NSD1: variants seen among roughly 807,000 people sequenced by gnomAD.
NSD1 encodes nuclear receptor binding SET domain protein 1, also known as histone-lysine N-methyltransferase, H3 lysine-36 specific.
NSD1 carries 26 observed loss-of-function variants against 242.7 expected under a neutral mutation model. The ratio of observed to expected loss-of-function variants is 0.11; its 90% CI spans 0.08 to 0.15. The LOEUF is 0.15. Among genes scored for constraint, NSD1 ranks in the 10% least tolerant of loss-of-function variants. The pLI is 1.00. For synonymous variants in NSD1, 1,106 were observed against 1,178.1 expected (o/e 0.94, Z 1.25); for missense variants, 2,495 against 3,272.8 (o/e 0.76, Z 5.80).
intron 8 of NSD1, among the ~76,000 whole-genome samples, chr5:177,241,325 C>T (rs942457786): frequency 2.5e-4 from 38 of 150,574 alleles, no homozygotes; most frequent in African/African-American, 8.1e-4. Context: ...GGTGAAACCC[C>T]GTCTCTACTA....
intron 2 of NSD1, among the ~76,000 whole-genome samples, chr5:177,176,241 A>G (rs1256307294): frequency 6.6e-6 from 1 of 151,086 alleles, no homozygotes; most frequent in Admixed American, 6.6e-5. Flanking sequence ...AAAATCTAAG[A>G]TCTAAATATT....
intron 8 of NSD1, among the ~76,000 whole-genome samples, chr5:177,243,935 C>T (rs976810775): frequency 6.6e-6 from 1 of 152,102 alleles, no homozygotes; most frequent in African/African-American, 2.4e-5. Flanking sequence ...TCAGGTGATC[C>T]ACCCGCCTCA....
intron 10 of NSD1, 90 bp downstream of exon 10, chr5:177,246,886 A>G (rs1766342638): frequency 1.1e-5 from 10 of 924,722 alleles, no homozygotes; most frequent in South Asian, 9.2e-5. Context: ...GAGTTTTCTT[A>G]AGAATACTAT....
At chr5:177,291,137 G>A (rs1423684464) in intron 21 of NSD1, among the ~76,000 whole-genome samples, 5 of 152,232 alleles carry the variant, frequency 3.3e-5, no homozygotes. Context: ...AACAAAGAGA[G>A]AACATCTGCT....
chr5:177,267,614 C>T lies in NSD1; in HGVS notation c.5199C>T (p.Cys1733=), dbSNP rs779563229. The T allele has an allele frequency of 3.1e-6, 5 of 1,614,038 alleles. No individual in the cohort carries two copies. Among genetic ancestry groups the T allele is most frequent in the East Asian group, 4.5e-5 (2 of 44,872 alleles). The change falls in exon 15 of 23, where the codon TGC becomes TGT. Residue 1733 remains cysteine, a synonymous_variant. Coordinates refer to ENST00000439151, the MANE Select transcript of NSD1 (RefSeq NM_022455.5). The part of the protein sequence containing the change: ...DSCPAAFHRE[C]LNIDIPEGNW... ...GCCCTGCTGCTTTTCATCGTGAATG[C>T]CTGAACATTGATATCCCTGAAGGAA... is the stretch of plus-strand genomic sequence containing the variant.
rs770237809 is a variant in NSD1 at position 177,298,963 on chromosome 5, C to T, written c.*3504C>T. ...TGTCCTAACCTCTCTCAGATCATGG[C>T]AGAGAAGGAGCTGCCTCCAGCCCCT... is the stretch of plus-strand genomic sequence containing the variant. On this transcript the variant is annotated 3_prime_UTR_variant, in exon 23 of 23. Coordinates refer to ENST00000439151, the MANE Select transcript of NSD1 (RefSeq NM_022455.5). 2.6e-5 allele frequency: 6 copies of T among 232,998 alleles called. No homozygotes were observed. The highest frequency in any genetic ancestry group is 5.1e-5 in the Non-Finnish European group (6 of 117,952). 14.4% of individuals were successfully genotyped at this position (232,998 alleles called of 1,614,324 possible).
At chr5:177,213,916 G>A (rs1763560773) in intron 5 of NSD1, among the ~76,000 whole-genome samples, 1 of 151,836 alleles carries the variant, frequency 6.6e-6, no homozygotes, top group African/African-American at 2.4e-5. Flanking sequence ...GTATGTATCA[G>A]TTCTTCTGTC....
chr5:177,281,012 C>T (rs1758830001), intron 18 of NSD1, among the ~76,000 whole-genome samples, 178 bp downstream of exon 18: 1 of 152,158 alleles, frequency 6.6e-6, no homozygotes, highest in Non-Finnish European at 1.5e-5. Flanking sequence ...TGGTTTTGAT[C>T]TCCCAAGTCC....
chr5:177,146,092 AG>A (rs1757218029), intron 2 of NSD1, among the ~76,000 whole-genome samples: 1 of 151,870 alleles, frequency 6.6e-6, no homozygotes. Context: ...AAAAAAAAAA[AG>A]AATACAGAGA....
rs201012228 is a variant in NSD1 at position 177,135,610 on chromosome 5, C to T, written c.507C>T (p.Asp169=). Reference sequence around the variant, plus strand: ...ATGCAGATGTAGATTCTGAAATGGACCCAGAACAGCCAGTCACAGAGGATG... The same window carrying T: ...ATGCAGATGTAGATTCTGAAATGGATCCAGAACAGCCAGTCACAGAGGATG... ...VDDADVDSEM[D]PEQPVTEDES... is the part of the protein sequence containing the mutation. The change falls in exon 2 of 23, where the codon GAC becomes GAT. Residue 169 remains aspartate, a synonymous_variant. Coordinates refer to ENST00000439151, the MANE Select transcript of NSD1 (RefSeq NM_022455.5). 6.2e-7 allele frequency: 1 copy of T among 1,614,162 alleles called. No homozygotes were observed. Among genetic ancestry groups the T allele is most frequent in the African/African-American group, 1.3e-5 (1 of 75,030 alleles).
chr5:177,174,580 C>A (rs370457123), intron 2 of NSD1, among the ~76,000 whole-genome samples: 1 of 151,020 alleles, frequency 6.6e-6, no homozygotes, highest in Non-Finnish European at 1.5e-5. Flanking sequence ...TTTTTTGACA[C>A]GGAGTCTTGC....
chr5:177,275,625 G>A (rs1758318220), intron 17 of NSD1, among the ~76,000 whole-genome samples: 1 of 151,534 alleles, frequency 6.6e-6, no homozygotes, highest in Non-Finnish European at 1.5e-5. Context: ...AGTAGAGATG[G>A]GGTTTCACCA....
chr5:177,261,236 A>ATTTTTTTT (rs10652091), intron 14 of NSD1, among the ~76,000 whole-genome samples: 9 of 74,750 alleles, frequency 1.2e-4, no homozygotes, highest in East Asian at 3.3e-4. Flanking sequence ...TGCCCCACTA[A>ATTTTTTTT]TTTTTTTTTT....
At chr5:177,225,968 G>T (rs1764598393) in intron 5 of NSD1, among the ~76,000 whole-genome samples, 2 of 152,116 alleles carry the variant, frequency 1.3e-5, no homozygotes, top group African/African-American at 4.8e-5. Flanking sequence ...TACGTTGTTT[G>T]TACCTTGATT....
intron 15 of NSD1, among the ~76,000 whole-genome samples, chr5:177,268,527 G>A (rs1252758308): frequency 6.6e-6 from 1 of 152,094 alleles, no homozygotes; most frequent in Non-Finnish European, 1.5e-5. Context: ...CACAAAGGAT[G>A]TAACATGCAT....
Position 177,135,913 on chromosome 5 carries a change from A to G in NSD1, c.810A>G (p.Gln270=), listed in dbSNP as rs759575971. 1.2e-6 allele frequency: 2 copies of G among 1,613,038 alleles called. No individual in the cohort carries two copies. The highest frequency in any genetic ancestry group is 8.5e-7 in the Non-Finnish European group (1 of 1,179,024). Residue 270 remains glutamine, a synonymous_variant, in exon 2 of 23, where the codon CAA becomes CAG. Coordinates refer to ENST00000439151, the MANE Select transcript of NSD1 (RefSeq NM_022455.5). ...LGDTNITIEE[Q]LNSINLSFQD... ...ACACAAACATTACAATAGAAGAGCA[A>G]TTAAACTCAATAAATTTATCTTTTC...
intron 17 of NSD1, among the ~76,000 whole-genome samples, chr5:177,279,233 G>A (rs1758640975): frequency 6.6e-6 from 1 of 152,176 alleles, no homozygotes; most frequent in Non-Finnish European, 1.5e-5. Context: ...TATAATCCCA[G>A]CACTTTCAGA....
intron 2 of NSD1, among the ~76,000 whole-genome samples, chr5:177,188,144 T>C (rs1446645603): frequency 6.6e-6 from 1 of 152,214 alleles, no homozygotes; most frequent in African/African-American, 2.4e-5. Flanking sequence ...GCTTTGTACA[T>C]AGGTGTTTAC....
chr5:177,136,889 G>T (rs963580684), intron 2 of NSD1: 1 of 699,922 alleles, frequency 1.4e-6, no homozygotes, highest in South Asian at 1.5e-5. Context: ...GCCTTGTCAT[G>T]TTGCCCAGGC....
Sources: gnomAD v4.1 joint callset for allele counts (sites outside exome capture counted in the v4.1 genomes callset) on GRCh38, gnomAD v4.1.1 for gene constraint, MANE v1.5 for transcripts, NCBI Gene and HGNC (gene_info 2026-07-23, HGNC 2026-07-21) for gene names.